Variants in RIN3 observed in about 807,000 individuals in gnomAD.
RIN3 encodes RAB5 interacting protein 3.
Under a neutral mutation model 76.3 loss-of-function variants are expected in RIN3, and 54 were observed. The observed-to-expected ratio is 0.71, with a 90% CI of 0.57 to 0.89. RIN3 has a LOEUF of 0.89. RIN3 is among the 40% of genes least tolerant of loss of function. The pLI, the probability that RIN3 is intolerant of heterozygous loss-of-function variation, is 0.00. For missense variants in RIN3, 1,256 were observed against 1,322.1 expected (o/e 0.95, Z 0.78); for synonymous variants, 576 against 564.0 (o/e 1.02, Z -0.30).
intron 3 of RIN3, among the ~76,000 whole-genome samples, chr14:92,595,673 A>G (rs1026125012): frequency 2.0e-5 from 3 of 152,182 alleles, no homozygotes; most frequent in African/African-American, 4.8e-5. Context: ...GTAACTTGCT[A>G]TGTGGCCTTA....
At chr14:92,676,375 C>T in intron 7 of RIN3, 100 bp from the exon 8 acceptor site, 2 of 1,371,670 alleles carry the variant, frequency 1.5e-6, no homozygotes, top group African/African-American at 1.4e-5. Context: ...CCAGGGATCG[C>T]CATCCACACT....
chr14:92,657,325 C>T (rs527240685), intron 6 of RIN3, among the ~76,000 whole-genome samples: 104 of 151,734 alleles, frequency 6.9e-4, no homozygotes, highest in African/African-American at 2.3e-3. Flanking sequence ...CACACTACTG[C>T]ACTCCAGCCT....
intron 7 of RIN3, among the ~76,000 whole-genome samples, chr14:92,660,944 CAG>C (rs1887860094): frequency 1.3e-5 from 2 of 152,216 alleles, no homozygotes; most frequent in Admixed American, 1.3e-4. Flanking sequence ...GCCATGGCAA[CAG>C]AGAGTGGATG....
chr14:92,540,498 A>T (rs1297511986), intron 1 of RIN3, among the ~76,000 whole-genome samples: 1 of 152,196 alleles, frequency 6.6e-6, no homozygotes, highest in East Asian at 1.9e-4. Context: ...GGCTGGAGGC[A>T]TTTGTTGAGT....
Position 92,663,059 on chromosome 14 carries a change from C to T in RIN3, c.2335+3590C>T, listed in dbSNP as rs540145555. Among the ~76,000 whole-genome samples, 19 of 152,288 alleles carry T rather than the reference C, an allele frequency of 1.2e-4. 1 individual carries two copies. The South Asian group carries it at 2.9e-3, about 23-fold the overall frequency. On this transcript the variant is annotated intron_variant, in intron 7 of 9. Coordinates refer to ENST00000216487, the MANE Select transcript of RIN3 (RefSeq NM_024832.5). ...CTCCTGAGCTCAAGCAATTTGCCCGCCTTGGCCTCCCAAAGTGCTGAGATT... is the reference window on the plus strand; with the variant it reads ...CTCCTGAGCTCAAGCAATTTGCCCGTCTTGGCCTCCCAAAGTGCTGAGATT...
rs3818321 is a variant in RIN3 at position 92,653,062 on chromosome 14, C to T, written c.2013C>T (p.Ser671=). The change falls in exon 6 of 10, where the codon TCC becomes TCT. Residue 671 remains serine, a synonymous_variant. Transcript: ENST00000216487. ...CCCTGGTGGACCCCGCCCTGCACTCCGAGGAGGAGCTCGGTCAGTGCCCTG... is the reference window on the plus strand; with the variant it reads ...CCCTGGTGGACCCCGCCCTGCACTCTGAGGAGGAGCTCGGTCAGTGCCCTG... The part of the protein sequence containing the change: ...LKALVDPALH[S]EEELEAIVES... The T allele has an allele frequency of 0.044, 70,225 of 1,602,342 alleles. 5,763 individuals carry two copies. The highest frequency in any genetic ancestry group is 0.3 in the African/African-American group (22,396 of 74,884).
At chr14:92,547,516 T>C (rs1186747931) in intron 1 of RIN3, among the ~76,000 whole-genome samples, 1 of 151,390 alleles carries the variant, frequency 6.6e-6, no homozygotes, top group African/African-American at 2.4e-5. Context: ...TGCCTCAGCC[T>C]TCTGAGTAGC....
At chr14:92,606,212 C>A (rs1885522048) in intron 3 of RIN3, among the ~76,000 whole-genome samples, 1 of 150,758 alleles carries the variant, frequency 6.6e-6, no homozygotes, top group Non-Finnish European at 1.5e-5. Flanking sequence ...TTGCAAATCA[C>A]ATATCTGACA....
chr14:92,621,235 C>CAAAAAAAA (rs572318532), intron 4 of RIN3, among the ~76,000 whole-genome samples: 3,471 of 70,320 alleles, frequency 0.049, 693 homozygotes, highest in East Asian at 0.15. Flanking sequence ...GACTCCGTCT[C>CAAAAAAAA]AAAAAAAAAA....
At chr14:92,642,053 C>T (rs2140131947) in intron 5 of RIN3, among the ~76,000 whole-genome samples, 1 of 152,270 alleles carries the variant, frequency 6.6e-6, no homozygotes, top group African/African-American at 2.4e-5. Context: ...GGCCACCTGC[C>T]TCTTTCAGTG....
intron 3 of RIN3, among the ~76,000 whole-genome samples, chr14:92,582,251 C>T (rs1323142083): frequency 1.3e-5 from 2 of 152,060 alleles, no homozygotes; most frequent in Admixed American, 6.6e-5. Flanking sequence ...CTCCCAGGGC[C>T]GTGTGGCCGA....
At chr14:92,610,974 C>T (rs1254173068) in intron 3 of RIN3, among the ~76,000 whole-genome samples, 1 of 152,202 alleles carries the variant, frequency 6.6e-6, no homozygotes, top group African/African-American at 2.4e-5. Context: ...ATTTCATGCT[C>T]ACAGTGATGT....
chr14:92,588,821 C>T (rs780598351), intron 3 of RIN3, among the ~76,000 whole-genome samples: 5 of 152,150 alleles, frequency 3.3e-5, no homozygotes, highest in East Asian at 1.9e-4. Context: ...AGTACTAGCA[C>T]GTGCAAGACT....
At chr14:92,558,949 C>A (rs1340253810) in intron 2 of RIN3, among the ~76,000 whole-genome samples, 2 of 147,118 alleles carry the variant, frequency 1.4e-5, no homozygotes, top group Non-Finnish European at 3.0e-5. Flanking sequence ...TCACTGCAAC[C>A]TCCACCTCCT....
At chr14:92,518,177 TG>T (rs1896496064) in intron 1 of RIN3, among the ~76,000 whole-genome samples, 2 of 152,236 alleles carry the variant, frequency 1.3e-5, no homozygotes, top group Non-Finnish European at 2.9e-5. Flanking sequence ...ATGAACCGCT[TG>T]TTTGCCTAGC....
intron 3 of RIN3, among the ~76,000 whole-genome samples, chr14:92,612,560 A>C (rs1885783006): frequency 6.6e-6 from 1 of 152,234 alleles, no homozygotes; most frequent in Admixed American, 6.5e-5. Flanking sequence ...GTAAACATTC[A>C]TCAGTCTCCC....
intron 1 of RIN3, among the ~76,000 whole-genome samples, chr14:92,528,272 C>T (rs929013122): frequency 5.9e-5 from 9 of 152,102 alleles, no homozygotes; most frequent in South Asian, 2.1e-4. Flanking sequence ...AGATGGCCAT[C>T]GTGGCTGAGT....
intron 7 of RIN3, among the ~76,000 whole-genome samples, chr14:92,664,364 CT>C (rs373597134): frequency 1.2e-3 from 105 of 84,436 alleles, no homozygotes; most frequent in African/African-American, 2.5e-3. Context: ...TTCTTTCTTT[CT>C]TTTTTTTTTT....
At chr14:92,639,397 G>T (rs919047815) in intron 4 of RIN3, among the ~76,000 whole-genome samples, 20 of 152,226 alleles carry the variant, frequency 1.3e-4, no homozygotes, top group African/African-American at 4.8e-4. Context: ...TGGCTGCCAG[G>T]TCTTGATAAC....
Sources: gnomAD v4.1 joint callset for allele counts (sites outside exome capture counted in the v4.1 genomes callset) on GRCh38, gnomAD v4.1.1 for gene constraint, MANE v1.5 for transcripts, NCBI Gene and HGNC (gene_info 2026-07-23, HGNC 2026-07-21) for gene names.